ZYG11B: variants seen among roughly 807,000 people sequenced by gnomAD.
The protein encoded by ZYG11B is protein zyg-11 homolog B.
A neutral mutation model predicts 82.4 loss-of-function variants in ZYG11B; 36 were observed. The ratio of observed to expected loss-of-function variants is 0.44; its 90% CI spans 0.33 to 0.58. ZYG11B has a LOEUF of 0.58. ZYG11B is among the 20% of genes least tolerant of loss of function. The pLI is 0.02. For missense variants in ZYG11B, 552 were observed against 895.6 expected, an observed-to-expected ratio of 0.62 and a Z score of 4.90; for synonymous variants, 303 against 312.8, an observed-to-expected ratio of 0.97 and a Z score of 0.33.
In ZYG11B at chr1:52,771,615, C is replaced by T. The variant is rs764923670; in HGVS notation, c.792C>T (p.Ile264=). The T allele has an allele frequency of 6.2e-7, 1 of 1,614,198 alleles. No individual in the cohort carries two copies. The highest frequency in any genetic ancestry group is 8.5e-7 in the Non-Finnish European group (1 of 1,180,044). The change falls in exon 3 of 14, where the codon ATC becomes ATT. Residue 264 remains isoleucine, a synonymous_variant. Coordinates refer to ENST00000294353, the MANE Select transcript of ZYG11B (RefSeq NM_024646.3). This position sits in a 1 kb window ranked among gnomAD's most constrained non-coding sequence, Gnocchi z 5.4. ...IALRLLEQKD[I]LPNLVSLDVS... ...TTCGCTTACTAGAACAAAAAGACAT[C>T]CTACCTAACCTTGTTTCTCTGGATG...
chr1:52,764,730 A>G (rs1644665929), intron 2 of ZYG11B, among the ~76,000 whole-genome samples: 1 of 152,184 alleles, frequency 6.6e-6, no homozygotes. Context: ...TCTGAGGGAA[A>G]AAGAACACTG....
chr1:52,734,450 T>TC (rs397745389), intron 1 of ZYG11B, among the ~76,000 whole-genome samples: 1 of 151,260 alleles, frequency 6.6e-6, no homozygotes, highest in East Asian at 2.0e-4. Flanking sequence ...GTTTTTTTTT[T>TC]TAAAGAGTCT....
At chr1:52,754,801 C>T (rs942008334) in intron 1 of ZYG11B, among the ~76,000 whole-genome samples, 1 of 152,112 alleles carries the variant, frequency 6.6e-6, no homozygotes, top group Non-Finnish European at 1.5e-5. Flanking sequence ...CTTTTTACAC[C>T]TATGTTTTCT....
intron 10 of ZYG11B, chr1:52,805,524 G>A (rs1645134886): frequency 2.2e-6 from 1 of 455,472 alleles, no homozygotes; most frequent in Non-Finnish European, 4.4e-6. Flanking sequence ...GAAACGGAAA[G>A]GTGAAATTTA....
At chr1:52,767,229 GTTATT>G (rs981631448) in intron 2 of ZYG11B, among the ~76,000 whole-genome samples, 33 of 149,394 alleles carry the variant, frequency 2.2e-4, no homozygotes, top group Middle Eastern at 3.4e-3. Flanking sequence ...ATTTTATTTT[GTTATT>G]TTATTTTATG....
chr1:52,733,127 C>T (rs996288842), intron 1 of ZYG11B, among the ~76,000 whole-genome samples: 44 of 152,080 alleles, frequency 2.9e-4, no homozygotes, highest in African/African-American at 1.1e-3. Flanking sequence ...GATCATCATT[C>T]TAGTCATTTT....
chr1:52,802,224 T>C, intron 10 of ZYG11B, 85 bp downstream of exon 10: 1 of 1,351,558 alleles, frequency 7.4e-7, no homozygotes, highest in Non-Finnish European at 1.0e-6. Context: ...AGCTCTGCAG[T>C]GGCAGTATCA....
intron 8 of ZYG11B, among the ~76,000 whole-genome samples, chr1:52,798,186 A>G (rs1244087787): frequency 6.6e-6 from 1 of 152,120 alleles, no homozygotes; most frequent in East Asian, 1.9e-4. Context: ...TTCTTTTCAT[A>G]TATGCAGCTT....
At chr1:52,739,016 G>C (rs1213786949) in intron 1 of ZYG11B, among the ~76,000 whole-genome samples, 1 of 115,176 alleles carries the variant, frequency 8.7e-6, no homozygotes, top group African/African-American at 3.9e-5. Context: ...GAGTCTCACT[G>C]TATCACCCAG....
intron 8 of ZYG11B, among the ~76,000 whole-genome samples, chr1:52,797,148 T>TTTATATATTATATATTA (rs1645023935): frequency 1.3e-5 from 1 of 77,418 alleles, no homozygotes; most frequent in Non-Finnish European, 2.1e-5. Flanking sequence ...ATATTATATA[T>TTTATATATTATATATTA]TATATATTTA....
At chr1:52,797,963 CAA>C (rs1274651056) in intron 8 of ZYG11B, among the ~76,000 whole-genome samples, 3 of 136,638 alleles carry the variant, frequency 2.2e-5, no homozygotes, top group Non-Finnish European at 3.2e-5. Context: ...CCTTCTCTAC[CAA>C]AAAAAAAAAA....
At chr1:52,785,107 C>T in intron 5 of ZYG11B, 54 bp downstream of exon 5, 1 of 1,557,016 alleles carries the variant, frequency 6.4e-7, no homozygotes, top group Non-Finnish European at 8.7e-7. Flanking sequence ...TTCTACTCAT[C>T]TCCTACAGTT....
intron 13 of ZYG11B, among the ~76,000 whole-genome samples, chr1:52,820,714 T>TA (rs34434230): frequency 0.026 from 687 of 26,876 alleles, 5 homozygotes; most frequent in Middle Eastern, 0.045. Context: ...AGACTGTCTT[T>TA]AAAAAAAAAA....
intron 1 of ZYG11B, among the ~76,000 whole-genome samples, chr1:52,730,303 A>G (rs11578194): frequency 0.063 from 9,560 of 152,164 alleles, 405 homozygotes; most frequent in South Asian, 0.14. Context: ...TCTCATGTAT[A>G]TAGAGTAATT....
At chr1:52,787,813 CT>C (rs1445524046) in intron 5 of ZYG11B, among the ~76,000 whole-genome samples, 1 of 150,740 alleles carries the variant, frequency 6.6e-6, no homozygotes, top group Non-Finnish European at 1.5e-5. Flanking sequence ...AAAAAAAACC[CT>C]GGGAATTCAC....
chr1:52,818,916 C>G (rs546758673), intron 13 of ZYG11B, among the ~76,000 whole-genome samples: 2 of 151,882 alleles, frequency 1.3e-5, no homozygotes, highest in African/African-American at 4.8e-5. Flanking sequence ...ACCTCAGCCT[C>G]CCGAGTAACT....
chr1:52,769,469 A>G (rs888133536), intron 2 of ZYG11B, among the ~76,000 whole-genome samples: 20 of 152,196 alleles, frequency 1.3e-4, no homozygotes, highest in African/African-American at 4.8e-4. Flanking sequence ...AATCTGGTGT[A>G]TATTTTGTAC....
At chr1:52,799,065 A>G (rs995106342) in intron 8 of ZYG11B, among the ~76,000 whole-genome samples, 2 of 152,178 alleles carry the variant, frequency 1.3e-5, no homozygotes, top group South Asian at 4.1e-4. Context: ...ACACTGAATT[A>G]TAATTATGTA....
intron 3 of ZYG11B, among the ~76,000 whole-genome samples, chr1:52,773,599 C>CCA (rs1644773658): frequency 3.8e-5 from 1 of 26,028 alleles, no homozygotes; most frequent in Non-Finnish European, 6.3e-5. Context: ...ATGCTTTAAA[C>CCA]TATATATATA....
Sources: allele counts gnomAD v4.1 joint callset (sites outside exome capture counted in the v4.1 genomes callset), GRCh38; gene constraint gnomAD v4.1.1; non-coding constraint Gnocchi (gnomAD v3.1); transcripts MANE v1.5; gene names NCBI Gene and HGNC (gene_info 2026-07-23, HGNC 2026-07-21).